Variants in ATP6V0A4 observed in about 807,000 individuals in gnomAD.
ATP6V0A4 encodes the protein ATPase H+ transporting V0 subunit a4.
A neutral mutation model predicts 107.3 loss-of-function variants in ATP6V0A4; 86 were observed. The observed-to-expected ratio is 0.80, with a 90% CI of 0.67 to 0.96. The LOEUF (loss-of-function observed/expected upper bound fraction) is 0.96. Among genes scored for constraint, ATP6V0A4 ranks in the 40% least tolerant of loss-of-function variants. The pLI is 0.00. For synonymous variants in ATP6V0A4, 353 were observed against 381.4 expected (o/e 0.93, Z 0.87); for missense variants, 908 against 1,045.6 (o/e 0.87, Z 1.81).
In ATP6V0A4 at chr7:138,756,464, C is replaced by A; in HGVS notation, c.716G>T (p.Cys239Phe). 4 of 1,613,058 alleles carry A rather than the reference C, an allele frequency of 2.5e-6. No individual in the cohort carries two copies. The South Asian group carries it at 4.4e-5, about 18-fold the overall frequency. The change falls in exon 9 of 22, where the codon TGT (cysteine) becomes TTT (phenylalanine). Residue 239 changes from cysteine (C) to phenylalanine (F), a missense_variant. Cys to Phe is a radical substitution (Grantham distance 205, BLOSUM62 -2). Transcript: ENST00000310018. ...GCCATTCACTCCCTCTTACCCATCA[C>A]AGATCTTCTTGATTTTCTGCCTGAG... ...EQLRQKIKKI[C>F]DGFRATVYPC...
chr7:138,780,830 A>G (rs951014708), intron 2 of ATP6V0A4, among the ~76,000 whole-genome samples: 3 of 152,102 alleles, frequency 2.0e-5, no homozygotes, highest in Admixed American at 6.6e-5. Context: ...ACTTGATCCC[A>G]GGAGGTTGAG....
chr7:138,788,450 C>A (rs1168479307), intron 1 of ATP6V0A4, among the ~76,000 whole-genome samples: 1 of 152,194 alleles, frequency 6.6e-6, no homozygotes, highest in Non-Finnish European at 1.5e-5. Context: ...AACTCACAAA[C>A]TTTTCTACCC....
At chr7:138,730,400 A>T (rs1038042225) in intron 17 of ATP6V0A4, among the ~76,000 whole-genome samples, 1 of 150,758 alleles carries the variant, frequency 6.6e-6, no homozygotes, top group African/African-American at 2.4e-5. Flanking sequence ...ATCCTTTGAT[A>T]TTCAAAGACA....
At chr7:138,723,523 C>CTTTTTTTTT (rs10528520) in intron 18 of ATP6V0A4, among the ~76,000 whole-genome samples, 23 of 128,254 alleles carry the variant, frequency 1.8e-4, no homozygotes, top group East Asian at 9.3e-4. Context: ...TCTTTCTTTT[C>CTTTTTTTTT]TTTTTTTTTT....
At chr7:138,739,675 G>A (rs150901616) in intron 14 of ATP6V0A4, 42 bp from the exon 15 acceptor site, 22 of 1,609,940 alleles carry the variant, frequency 1.4e-5, no homozygotes, top group Middle Eastern at 1.6e-4. Flanking sequence ...ATGATCAACC[G>A]GGGCAGAAAA....
chr7:138,747,443 G>C lies in ATP6V0A4; in HGVS notation c.1302C>G (p.Ser434=), dbSNP rs1806007484. 11 of 1,614,116 alleles carry C rather than the reference G, an allele frequency of 6.8e-6. No homozygotes were observed. The East Asian group carries it at 2.5e-4, about 36-fold the overall frequency. The change falls in exon 13 of 22, where the codon TCC becomes TCG. Residue 434 remains serine (S), a synonymous_variant. Transcript: ENST00000310018. ...CACTCACCTCATTGTCTGTCTTCTG[G>C]GAGAGCAAGCGTCTCTCATTCAGAA... The part of the protein sequence containing the change: ...WMILNERRLL[S]QKTDNEIWNT...
intron 1 of ATP6V0A4, among the ~76,000 whole-genome samples, chr7:138,795,384 G>A (rs188975258): frequency 5.0e-4 from 76 of 152,130 alleles, no homozygotes; most frequent in African/African-American, 1.7e-3. Context: ...TCCCTGATAC[G>A]ACTTGATAGG....
At chr7:138,737,217 G>A (rs992795584) in intron 15 of ATP6V0A4, among the ~76,000 whole-genome samples, 1 of 149,066 alleles carries the variant, frequency 6.7e-6, no homozygotes, top group African/African-American at 2.5e-5. Flanking sequence ...TAATTTCCAC[G>A]TGCTGTGGGA....
At chr7:138,768,242 GT>G (rs1199998586) in intron 5 of ATP6V0A4, among the ~76,000 whole-genome samples, 1 of 152,096 alleles carries the variant, frequency 6.6e-6, no homozygotes, top group Non-Finnish European at 1.5e-5. Flanking sequence ...GGTATTCAGT[GT>G]TTTATAAAAG....
At chr7:138,780,910 G>GA (rs1807890814) in intron 2 of ATP6V0A4, among the ~76,000 whole-genome samples, 1 of 150,248 alleles carries the variant, frequency 6.7e-6, no homozygotes, top group African/African-American at 2.4e-5. Flanking sequence ...GCCTCAAAAA[G>GA]AAAAAATAAA....
At position 138,773,362 on chromosome 7, in the gene ATP6V0A4, C is replaced by T. The variant is rs1807492781; in HGVS notation, c.-17-2098G>A. On this transcript the variant is annotated intron_variant, in intron 2 of 21. Coordinates refer to ENST00000310018, the MANE Select transcript of ATP6V0A4 (RefSeq NM_020632.3). This position sits in a 1 kb window ranked among gnomAD's most constrained non-coding sequence, Gnocchi z 5.4. ...CGTCCATCCCACGCCCCGCATGACC[C>T]TGTCACTCCTCCAGTCTCCATGTAA... Among the ~76,000 whole-genome samples, 1 of 152,180 alleles carries T rather than the reference C, an allele frequency of 6.6e-6. No individual in the cohort carries two copies. The highest frequency in any genetic ancestry group is 6.5e-5 in the Admixed American group (1 of 15,270).
intron 21 of ATP6V0A4, among the ~76,000 whole-genome samples, 183 bp downstream of exon 21, chr7:138,709,441 T>C (rs1369664093): frequency 3.3e-5 from 5 of 151,862 alleles, no homozygotes; most frequent in East Asian, 1.9e-4. Context: ...TATATATACA[T>C]ATATATACAC....
chr7:138,763,101 T>C, intron 5 of ATP6V0A4, 76 bp from the exon 6 acceptor site: 3 of 1,580,212 alleles, frequency 1.9e-6, no homozygotes, highest in Non-Finnish European at 2.6e-6. Context: ...CCACAACAGA[T>C]GACTAAAAAA....
chr7:138,772,882 G>C (rs1254529210), intron 2 of ATP6V0A4, among the ~76,000 whole-genome samples: 2 of 152,118 alleles, frequency 1.3e-5, no homozygotes, highest in African/African-American at 2.4e-5. Flanking sequence ...CTTAGAACAG[G>C]TGGCAGGGAA....
intron 11 of ATP6V0A4, among the ~76,000 whole-genome samples, chr7:138,751,043 C>T (rs1375020513): frequency 1.3e-5 from 2 of 152,124 alleles, no homozygotes; most frequent in Admixed American, 1.3e-4. Context: ...ATCAATGCCG[C>T]CTGCTCAGAG....
chr7:138,752,950 C>A, intron 10 of ATP6V0A4, 113 bp from the exon 11 acceptor site: 2 of 1,538,100 alleles, frequency 1.3e-6, no homozygotes, highest in East Asian at 2.4e-5. Flanking sequence ...TGGCAGGCTC[C>A]TTTGACCTGT....
chr7:138,771,428 G>T, intron 2 of ATP6V0A4, 164 bp from the exon 3 acceptor site: 1 of 224,166 alleles, frequency 4.5e-6, no homozygotes, highest in Non-Finnish European at 5.0e-6. Context: ...CTTAGACAGG[G>T]TCTCACTCTG....
intron 5 of ATP6V0A4, among the ~76,000 whole-genome samples, chr7:138,767,678 C>A (rs991573486): frequency 2.6e-5 from 4 of 151,320 alleles, no homozygotes; most frequent in Non-Finnish European, 4.4e-5. Context: ...AGAGAAAAGG[C>A]TCAGCTAGGT....
At chr7:138,754,547 C>T (rs577459048) in intron 10 of ATP6V0A4, among the ~76,000 whole-genome samples, 1 of 151,942 alleles carries the variant, frequency 6.6e-6, no homozygotes, top group African/African-American at 2.4e-5. Context: ...AATTTCTTAA[C>T]ATACTTGTCC....
Sources: allele counts gnomAD v4.1 joint callset (sites outside exome capture counted in the v4.1 genomes callset), GRCh38; gene constraint gnomAD v4.1.1; non-coding constraint Gnocchi (gnomAD v3.1); transcripts MANE v1.5; gene names NCBI Gene and HGNC (gene_info 2026-07-23, HGNC 2026-07-21).